Variants in PRRC2B observed in about 807,000 individuals in gnomAD.
PRRC2B encodes the protein protein PRRC2B.
A neutral mutation model predicts 242.3 loss-of-function variants in PRRC2B; 68 were observed. The observed-to-expected ratio is 0.28, with a 90% confidence interval of 0.23 to 0.34. The LOEUF is 0.34. Among genes scored for constraint, PRRC2B ranks in the 10% least tolerant of loss-of-function variants. PRRC2B has a pLI of 1.00. For synonymous variants in PRRC2B, 1,228 were observed against 1,173.6 expected (o/e 1.05, Z -0.95); for missense variants, 2,835 against 2,954.8 (o/e 0.96, Z 0.94).
At position 131,475,332 on chromosome 9, in the gene PRRC2B, GC is replaced by G; in HGVS notation, c.3205del (p.Arg1069ValfsTer101). ...FGVRGQARGR[G>X]RGFREFTFRG... Reference sequence around the variant, plus strand: ...GTCAGAGGACAGGCCCGGGGCCGGGGCCGTGGTTTCAGAGAGTTCACTTTTC... The same window carrying G: ...GTCAGAGGACAGGCCCGGGGCCGGGGCGTGGTTTCAGAGAGTTCACTTTTC... On this transcript the variant is annotated frameshift_variant, in exon 16 of 32. Coordinates refer to ENST00000683519, the MANE Select transcript of PRRC2B (RefSeq NM_013318.4). LOFTEE classifies it high-confidence loss of function. 6.3e-7 allele frequency: 1 copy of G among 1,593,500 alleles called. No homozygotes were observed. Among genetic ancestry groups the G allele is most frequent in the Non-Finnish European group, 8.5e-7 (1 of 1,170,718 alleles).
At chr9:131,469,636 G>C (rs10116598) in intron 13 of PRRC2B, among the ~76,000 whole-genome samples, 51,823 of 152,062 alleles carry the variant, frequency 0.34, 10,550 homozygotes, top group East Asian at 0.83. Flanking sequence ...GGAATGGAAG[G>C]GTGTGTGCTG....
rs112015303 is a variant in PRRC2B, at chr9:131,441,648, T to G, written c.470-2537T>G. Among the ~76,000 whole-genome samples, 1,047 of 152,358 alleles carry G rather than the reference T, an allele frequency of 6.9e-3. 11 individuals carry two copies. Among genetic ancestry groups the G allele is most frequent in the African/African-American group, 0.022 (926 of 41,592 alleles). On this transcript the variant is annotated intron_variant, in intron 5 of 31. Coordinates refer to ENST00000683519, the MANE Select transcript of PRRC2B (RefSeq NM_013318.4). The stretch of plus-strand genomic sequence containing the variant: ...TCAGTTTCAGTTCCCCCTCTCGTGC[T>G]AGAGTCATGCATCTGTGACACTGTC...
At chr9:131,451,363 C>T (rs1361544615) in intron 9 of PRRC2B, among the ~76,000 whole-genome samples, 1 of 151,938 alleles carries the variant, frequency 6.6e-6, no homozygotes, top group East Asian at 1.9e-4. Context: ...CGTGCCACTG[C>T]ACTCCAGCCT....
intron 13 of PRRC2B, 83 bp downstream of exon 13, chr9:131,467,836 A>G: frequency 1.4e-6 from 2 of 1,406,226 alleles, no homozygotes; most frequent in Middle Eastern, 1.9e-4. Context: ...CCCATGCCCC[A>G]CCTCCAACTT....
chr9:131,393,531 AC>A (rs1309398794), upstream of PRRC2B, among the ~76,000 whole-genome samples: 1 of 152,212 alleles, frequency 6.6e-6, no homozygotes, highest in Admixed American at 6.5e-5. Context: ...ATATTGTGCA[AC>A]AACCTTGCTT....
chr9:131,495,721 C>G lies in PRRC2B; in HGVS notation c.6556-19C>G. The G allele has an allele frequency of 6.3e-7, 1 of 1,591,362 alleles. No individual in the cohort carries two copies. Among genetic ancestry groups the G allele is most frequent in the Non-Finnish European group, 8.6e-7 (1 of 1,161,230 alleles). ...TCAGCGTCAGGGTCACTTTGTTTTT[C>G]CCATTCATCTGTCCAAAGGCAAAAC... On this transcript the variant is annotated intron_variant, in intron 31 of 31. Coordinates refer to ENST00000683519, the MANE Select transcript of PRRC2B (RefSeq NM_013318.4).
rs1448839127 is a variant in PRRC2B at position 131,446,423 on chromosome 9, C to T, written c.636C>T (p.Gly212=). ...RPQNVTSWRE[G]GGRHIISATS... is the part of the protein sequence containing the mutation. ...CAGATGTGACAAGCTGGAGGGAGGG[C>T]GGTGGGCGACACATAATTTCTGCCA... The change falls in exon 7 of 32, where the codon GGC becomes GGT. Residue 212 remains glycine, a synonymous_variant. Transcript: ENST00000683519. This position sits in a 1 kb window ranked among gnomAD's most constrained non-coding sequence, Gnocchi z 4.1. 8 of 1,613,638 alleles carry T rather than the reference C, an allele frequency of 5.0e-6. No individual in the cohort carries two copies. Among genetic ancestry groups the T allele is most frequent in the East Asian group, 4.5e-5 (2 of 44,878 alleles).
Position 131,446,955 on chromosome 9 carries a change from A to C in PRRC2B, c.856-130A>C, listed in dbSNP as rs1838822358. On this transcript the variant is annotated intron_variant, in intron 7 of 31. Transcript: ENST00000683519. This position sits in a 1 kb window ranked among gnomAD's most constrained non-coding sequence, Gnocchi z 4.1. ...AAATGGGGGAGATGGTGGTAGGATT[A>C]ATTAGGAAACCCCATGACTTTCCTG... is the stretch of plus-strand genomic sequence containing the variant. 1 of 1,220,256 alleles carries C rather than the reference A, an allele frequency of 8.2e-7. No individual in the cohort carries two copies. The allele number at this position is 1,220,256 out of a possible 1,614,324, so 75.6% of individuals were successfully genotyped here. A position where few individuals can be genotyped will look rare whatever the true frequency, so the allele number is the denominator to read the frequency against.
chr9:131,379,991 TA>T (rs1836735024), intron 1 of PRRC2B, among the ~76,000 whole-genome samples: 1 of 142,958 alleles, frequency 7.0e-6, no homozygotes, highest in Non-Finnish European at 1.5e-5. Flanking sequence ...TATATATATA[TA>T]ATAATTTTTT....
At chr9:131,380,956 T>C (rs1836752375) in intron 1 of PRRC2B, among the ~76,000 whole-genome samples, 1 of 151,644 alleles carries the variant, frequency 6.6e-6, no homozygotes. Context: ...TGTACACATA[T>C]TTTCTCCCAC....
chr9:131,390,464 C>T (rs1446125252), upstream of PRRC2B, among the ~76,000 whole-genome samples: 1 of 143,872 alleles, frequency 7.0e-6, no homozygotes, highest in Non-Finnish European at 1.5e-5. Flanking sequence ...TCTCCCAAGA[C>T]TCCTAGCTTG....
chr9:131,474,442 GT>G lies in PRRC2B; in HGVS notation c.2325-10del. The G allele has an allele frequency of 6.3e-7, 1 of 1,592,212 alleles. No homozygotes were observed. The highest frequency in any genetic ancestry group is 8.6e-7 in the Non-Finnish European group (1 of 1,167,400). ...CCAATCGCATTGACTGATTTTTCTG[GT>G]TCCTTTTCAGGAATGAAAGCTCTTT... On this transcript the variant is annotated splice_polypyrimidine_tract_variant and intron_variant, in intron 15 of 31. Coordinates refer to ENST00000683519, the MANE Select transcript of PRRC2B (RefSeq NM_013318.4).
chr9:131,447,879 C>A, intron 9 of PRRC2B, 75 bp downstream of exon 9: 1 of 1,471,318 alleles, frequency 6.8e-7, no homozygotes, highest in East Asian at 2.3e-5. Context: ...TGGAAACCCC[C>A]TGGCACCACC....
intron 9 of PRRC2B, chr9:131,448,011 G>T: frequency 2.3e-6 from 1 of 438,398 alleles, no homozygotes. Flanking sequence ...AGCTTCTTTT[G>T]GTCTTTAGTC....
chr9:131,486,232 A>AATTCC, intron 26 of PRRC2B, 50 bp downstream of exon 26: 2 of 1,266,656 alleles, frequency 1.6e-6, no homozygotes, highest in Non-Finnish European at 2.3e-6. Flanking sequence ...GGGAGGAGCC[A>AATTCC]GTGCAGGGCG....
chr9:131,410,639 A>G (rs1413120959), intron 1 of PRRC2B, among the ~76,000 whole-genome samples: 2 of 152,250 alleles, frequency 1.3e-5, no homozygotes, highest in African/African-American at 2.4e-5. Flanking sequence ...CTTCATGTCT[A>G]TAAAATGGAA....
intron 16 of PRRC2B, among the ~76,000 whole-genome samples, 193 bp downstream of exon 16, chr9:131,476,728 TCCCACC>T (rs1043609723): frequency 9.4e-5 from 14 of 148,186 alleles, no homozygotes; most frequent in African/African-American, 3.0e-4. Context: ...TGGCTAGAGC[TCCCACC>T]CCCACCCCCA....
At chr9:131,399,924 G>A (rs1006133886) in intron 1 of PRRC2B, among the ~76,000 whole-genome samples, 2 of 152,056 alleles carry the variant, frequency 1.3e-5, no homozygotes, top group African/African-American at 4.8e-5. Context: ...GGAGCATCTC[G>A]GCATGTTAAG....
At position 131,499,679 on chromosome 9, in the gene PRRC2B, C is replaced by T. The variant is rs1461185650; in HGVS notation, c.*3805C>T. ...AGACCTGCTCTTCACTGTTTCCACC[C>T]CACTTGGTGGCCTCCAGGATGGTAG... is the stretch of plus-strand genomic sequence containing the variant. On this transcript the variant is annotated 3_prime_UTR_variant, in exon 32 of 32. Coordinates refer to ENST00000683519, the MANE Select transcript of PRRC2B (RefSeq NM_013318.4). 6.6e-6 allele frequency: 1 copy of T among 152,172 alleles called. No individual in the cohort carries two copies. The highest frequency in any genetic ancestry group is 1.5e-5 in the Non-Finnish European group (1 of 68,034). The allele number at this position is 152,172 out of a possible 1,614,324, so 9.4% of individuals were successfully genotyped here. A position where few individuals can be genotyped will look rare whatever the true frequency, so the allele number is the denominator to read the frequency against.
Sources: allele counts gnomAD v4.1 joint callset (sites outside exome capture counted in the v4.1 genomes callset), GRCh38; gene constraint gnomAD v4.1.1; non-coding constraint Gnocchi (gnomAD v3.1); transcripts MANE v1.5; gene names NCBI Gene and HGNC (gene_info 2026-07-23, HGNC 2026-07-21).